SLTM: variants seen among roughly 807,000 people sequenced by gnomAD.
SLTM encodes the protein SAFB like transcription modulator.
In SLTM, 43 loss-of-function variants were observed where a neutral mutation model predicts 134.6. The observed-to-expected ratio is 0.32, with a 90% CI of 0.25 to 0.41. The LOEUF is 0.41. Among genes scored for constraint, SLTM ranks in the 10% least tolerant of loss-of-function variants. The pLI is 1.00. For missense variants in SLTM, 1,055 were observed against 1,288.8 expected, an observed-to-expected ratio of 0.82 and a Z score of 2.78; for synonymous variants, 424 against 432.3, an observed-to-expected ratio of 0.98 and a Z score of 0.24.
intron 19 of SLTM, among the ~76,000 whole-genome samples, chr15:58,886,553 G>A (rs1398286744): frequency 6.6e-6 from 1 of 152,104 alleles, no homozygotes; most frequent in South Asian, 2.1e-4. Context: ...CTCCCAAAGT[G>A]TTGGCATGAG....
chr15:58,890,422 T>A lies in SLTM; in HGVS notation c.1938A>T (p.Glu646Asp), dbSNP rs1406949133. The A allele has an allele frequency of 9.9e-6, 16 of 1,613,928 alleles. No homozygotes were observed. The highest frequency in any genetic ancestry group is 1.3e-5 in the African/African-American group (1 of 74,912). ...CCCGTTCACGAATTATTCTAATGCG[T>A]TCTCGCTCTCGACGCTCTCTCTCTG... ...EIAERERRER[E>D]RIRIIREREE... The change falls in exon 15 of 21, where the codon GAA (glutamate) becomes GAT (aspartate). Residue 646 changes from glutamate to aspartate, a missense_variant. Transcript: ENST00000380516.
intron 5 of SLTM, among the ~76,000 whole-genome samples, chr15:58,908,297 G>C (rs779601943): frequency 6.6e-6 from 1 of 152,114 alleles, no homozygotes; most frequent in Non-Finnish European, 1.5e-5. Flanking sequence ...TTGAGCTCAA[G>C]TGATCAGCCC....
chr15:58,913,879 C>T (rs951760365), intron 3 of SLTM, 183 bp from the exon 4 acceptor site: 1 of 472,036 alleles, frequency 2.1e-6, no homozygotes, highest in Non-Finnish European at 3.7e-6. Context: ...ATACCAAGAT[C>T]ATCAAACACG....
At chr15:58,887,678 A>C in intron 17 of SLTM, 138 bp from the exon 18 acceptor site, 1 of 1,427,294 alleles carries the variant, frequency 7.0e-7, no homozygotes, top group Non-Finnish European at 9.2e-7. Flanking sequence ...AAAGCTAGTT[A>C]TTGATTATTA....
At chr15:58,896,503 G>A (rs933498299) in intron 9 of SLTM, among the ~76,000 whole-genome samples, 2 of 152,040 alleles carry the variant, frequency 1.3e-5, no homozygotes, top group South Asian at 2.1e-4. Flanking sequence ...AGAGGTCGCA[G>A]TGAGCCCACA....
At chr15:58,891,735 A>G (rs576744433) in intron 14 of SLTM, among the ~76,000 whole-genome samples, 1 of 152,292 alleles carries the variant, frequency 6.6e-6, no homozygotes, top group South Asian at 2.1e-4. Flanking sequence ...TTTATTATAA[A>G]TTACTTTTAT....
intron 2 of SLTM, 49 bp downstream of exon 2, chr15:58,932,307 G>A (rs375896807): frequency 2.8e-6 from 4 of 1,416,248 alleles, no homozygotes; most frequent in Non-Finnish European, 4.0e-6. Context: ...GCAGAGGCAA[G>A]TTATATAACC....
chr15:58,904,693 G>A (rs1410126815), intron 5 of SLTM, among the ~76,000 whole-genome samples: 2 of 151,560 alleles, frequency 1.3e-5, no homozygotes, highest in African/African-American at 4.8e-5. Context: ...ACCACACCCG[G>A]CCAATTTTTT....
intron 2 of SLTM, among the ~76,000 whole-genome samples, chr15:58,926,518 CAT>C (rs1456180583): frequency 4.0e-5 from 6 of 151,882 alleles, no homozygotes; most frequent in African/African-American, 1.2e-4. Context: ...TAATTATAAA[CAT>C]GTATATATAT....
At chr15:58,914,811 A>G (rs1366698527) in intron 3 of SLTM, among the ~76,000 whole-genome samples, 1 of 152,262 alleles carries the variant, frequency 6.6e-6, no homozygotes, top group African/African-American at 2.4e-5. Context: ...GTGGGAGATG[A>G]GAAAATATAT....
chr15:58,933,416 G>T lies in SLTM; in HGVS notation c.150C>A (p.Ser50=). Residue 50 remains serine, a synonymous_variant, in exon 1 of 21, where the codon TCC becomes TCA. Coordinates refer to ENST00000380516, the MANE Select transcript of SLTM (RefSeq NM_024755.4). The part of the protein sequence containing the change: ...DITGVKTVLI[S]RLKQAIEEEG... ...CGCCGGGCCTCACCTGCTTGAGTCG[G>T]GAGATGAGCACGGTCTTGACTCCGG... 1 of 1,580,300 alleles carries T rather than the reference G, an allele frequency of 6.3e-7. No individual in the cohort carries two copies. Among genetic ancestry groups the T allele is most frequent in the African/African-American group, 1.4e-5 (1 of 71,818 alleles).
intron 6 of SLTM, chr15:58,900,599 T>A (rs2035408628): frequency 6.6e-6 from 1 of 152,598 alleles, no homozygotes; most frequent in Non-Finnish European, 1.5e-5. Flanking sequence ...CATGTGAGAT[T>A]TTCAGTCAGT....
chr15:58,915,255 A>G (rs2036551758), intron 3 of SLTM, among the ~76,000 whole-genome samples: 2 of 152,302 alleles, frequency 1.3e-5, no homozygotes, highest in Middle Eastern at 3.4e-3. Flanking sequence ...GTTCTTTTAG[A>G]CATTATGACC....
intron 10 of SLTM, 74 bp from the exon 11 acceptor site, chr15:58,894,267 G>T: frequency 7.0e-7 from 1 of 1,422,046 alleles, no homozygotes; most frequent in South Asian, 1.3e-5. Flanking sequence ...TGTGCTAATG[G>T]CAGAAAATTT....
At position 58,933,547 on chromosome 15, in the gene SLTM, C is replaced by G; in HGVS notation, c.19G>C (p.Ala7Pro). Residue 7 changes from alanine to proline, a missense_variant, in exon 1 of 21, where the codon GCG (alanine) becomes CCG (proline). Transcript: ENST00000380516. MAAATG[A>P]VAASAASGQA... ...CCCGAGGCGGCCGAGGCTGCCACCGCACCGGTAGCGGCAGCCATCTTAGAA... is the reference window on the plus strand; with the variant it reads ...CCCGAGGCGGCCGAGGCTGCCACCGGACCGGTAGCGGCAGCCATCTTAGAA... The G allele has an allele frequency of 1.3e-6, 2 of 1,594,670 alleles. No individual in the cohort carries two copies. Among genetic ancestry groups the G allele is most frequent in the Non-Finnish European group, 1.7e-6 (2 of 1,171,986 alleles).
intron 5 of SLTM, among the ~76,000 whole-genome samples, chr15:58,910,776 G>A (rs974067674): frequency 7.1e-6 from 1 of 140,040 alleles, no homozygotes; most frequent in African/African-American, 2.7e-5. Context: ...GACAAGTCTC[G>A]GTCTGTTGCC....
chr15:58,884,795 T>A (rs1208990347), intron 19 of SLTM, among the ~76,000 whole-genome samples: 2 of 151,968 alleles, frequency 1.3e-5, no homozygotes, highest in African/African-American at 4.8e-5. Context: ...ACCATGCCCA[T>A]CTTTAATTTT....
rs751512531 is a variant in SLTM at position 58,894,659 on chromosome 15, A to G, written c.1228-77T>C. On this transcript the variant is annotated intron_variant, in intron 9 of 20. Coordinates refer to ENST00000380516, the MANE Select transcript of SLTM (RefSeq NM_024755.4). The stretch of plus-strand genomic sequence containing the variant: ...GACTTCTAAATACATGAAACTTCAC[A>G]ACTGAAACTATATATTAATTCAGGG... 1.4e-5 allele frequency: 19 copies of G among 1,358,176 alleles called. 1 individual carries two copies. Among genetic ancestry groups the G allele is most frequent in the Non-Finnish European group, 1.9e-5 (18 of 957,498 alleles). 84.1% of individuals were successfully genotyped at this position (1,358,176 alleles called of 1,614,324 possible). A position where few individuals can be genotyped will look rare whatever the true frequency, so the allele number is the denominator to read the frequency against.
At chr15:58,903,298 G>T (rs551017113) in intron 5 of SLTM, among the ~76,000 whole-genome samples, 1 of 152,180 alleles carries the variant, frequency 6.6e-6, no homozygotes, top group Non-Finnish European at 1.5e-5. Context: ...GCCTCCCAAA[G>T]TGCTGGGATT....
Sources: allele counts gnomAD v4.1 joint callset (sites outside exome capture counted in the v4.1 genomes callset), GRCh38; gene constraint gnomAD v4.1.1; transcripts MANE v1.5; gene names NCBI Gene and HGNC (gene_info 2026-07-23, HGNC 2026-07-21).